STK40: variants seen among roughly 807,000 people sequenced by gnomAD.
STK40 encodes the protein serine/threonine-protein kinase 40.
In STK40, 13 loss-of-function variants were observed where a neutral mutation model predicts 47.9. That is an observed-to-expected ratio of 0.27 (90% CI 0.18 to 0.43). STK40 has a LOEUF of 0.43. Ranked by LOEUF, STK40 falls within the 20% of genes least tolerant of loss-of-function variation. STK40 has a pLI of 1.00. For missense variants in STK40, 460 were observed against 595.1 expected (o/e 0.77, Z 2.36); for synonymous variants, 225 against 243.2 (o/e 0.93, Z 0.69).
intron 7 of STK40, among the ~76,000 whole-genome samples, chr1:36,347,528 A>C (rs150268168): frequency 2.0e-5 from 3 of 152,320 alleles, no homozygotes; most frequent in Middle Eastern, 3.4e-3. Context: ...TGAAAAAAGG[A>C]CTTAAGATAG....
chr1:36,376,036 A>T (rs1646989616), intron 1 of STK40, among the ~76,000 whole-genome samples: 1 of 152,162 alleles, frequency 6.6e-6, no homozygotes, highest in African/African-American at 2.4e-5. Context: ...AAAAAAAAAA[A>T]ATTCACGACT....
At chr1:36,344,077 T>C in intron 8 of STK40, 43 bp downstream of exon 8, 3 of 1,599,798 alleles carry the variant, frequency 1.9e-6, no homozygotes, top group Non-Finnish European at 2.6e-6. Context: ...CTTAAGCCCA[T>C]CAGGCTGGCT....
intron 8 of STK40, 27 bp downstream of exon 8, chr1:36,344,093 C>A: frequency 6.3e-7 from 1 of 1,585,046 alleles, no homozygotes; most frequent in Middle Eastern, 1.7e-4. Flanking sequence ...TGGCTGCCCC[C>A]CCCACCCCCC....
rs528997688 is a variant in STK40 at position 36,385,860 on chromosome 1, A to AGCCGCC, written c.-152_-147dup. The stretch of plus-strand genomic sequence containing the variant: ...CGCCGCCTCCCAGCGCAGCCACCCG[A>AGCCGCC]GCCGCCGCCGCCGCCGCCGCCGCCT... On this transcript the variant is annotated 5_prime_UTR_variant, in exon 1 of 11. Coordinates refer to ENST00000373132, the MANE Select transcript of STK40 (RefSeq NM_001282547.2). 176 of 175,560 alleles carry AGCCGCC rather than the reference A, an allele frequency of 1.0e-3. 1 individual carries two copies. Among genetic ancestry groups the AGCCGCC allele is most frequent in the African/African-American group, 2.1e-3 (84 of 40,952 alleles). 10.9% of individuals were successfully genotyped at this position (175,560 alleles called of 1,614,324 possible).
At chr1:36,376,990 C>T (rs1646997656) in intron 1 of STK40, among the ~76,000 whole-genome samples, 1 of 151,394 alleles carries the variant, frequency 6.6e-6, no homozygotes, top group African/African-American at 2.4e-5. Flanking sequence ...CTAGGCTGGT[C>T]TTGAACTCCT....
At chr1:36,365,013 C>T (rs112266717) in intron 1 of STK40, among the ~76,000 whole-genome samples, 22,893 of 132,598 alleles carry the variant, frequency 0.17, 2,359 homozygotes, top group Middle Eastern at 0.32. Context: ...TTTTTTGAGA[C>T]GGAGTCTCGC....
chr1:36,370,880 CTTTT>C (rs776772949), intron 1 of STK40, among the ~76,000 whole-genome samples: 58 of 141,620 alleles, frequency 4.1e-4, no homozygotes, highest in African/African-American at 1.3e-3. Context: ...CCGTACTACA[CTTTT>C]TTTTTTTTTT....
In STK40 at chr1:36,339,957, G is replaced by C. The variant is rs1646630312; in HGVS notation, c.*1798C>G. The C allele has an allele frequency of 6.6e-6, 1 of 152,390 alleles. No individual in the cohort carries two copies. Among genetic ancestry groups the C allele is most frequent in the Non-Finnish European group, 1.5e-5 (1 of 68,074 alleles). 9.4% of individuals were successfully genotyped at this position (152,390 alleles called of 1,614,324 possible). ...TGGGCTGCTGAGAGGGGGCTCCGCTGCGACGGGCCCTGGCCCAGCTTCAGG... is the reference window on the plus strand; with the variant it reads ...TGGGCTGCTGAGAGGGGGCTCCGCTCCGACGGGCCCTGGCCCAGCTTCAGG... On this transcript the variant is annotated 3_prime_UTR_variant, in exon 11 of 11. Transcript: ENST00000373132.
Position 36,341,424 on chromosome 1 carries a change from G to A in STK40, c.*331C>T. 3.6e-6 allele frequency: 1 copy of A among 280,090 alleles called. No homozygotes were observed. The highest frequency in any genetic ancestry group is 7.0e-6 in the Non-Finnish European group (1 of 143,018). 17.4% of individuals were successfully genotyped at this position (280,090 alleles called of 1,614,324 possible). On this transcript the variant is annotated 3_prime_UTR_variant, in exon 11 of 11. Coordinates refer to ENST00000373132, the MANE Select transcript of STK40 (RefSeq NM_001282547.2). ...GTTGGTGGCCGCTGGGGAAGGCCCT[G>A]GAGTGGGGTGAGCAGGCTCCCTCCT...
intron 6 of STK40, among the ~76,000 whole-genome samples, chr1:36,353,533 C>T (rs1033472316): frequency 2.0e-5 from 3 of 152,234 alleles, no homozygotes; most frequent in Non-Finnish European, 2.9e-5. Flanking sequence ...CTAAGGCATG[C>T]TCTCCTTGCT....
rs1235753533 is a variant in STK40, at chr1:36,340,959, A to G, written c.*796T>C. 6.6e-6 allele frequency: 1 copy of G among 152,530 alleles called. No individual in the cohort carries two copies. The allele number at this position is 152,530 out of a possible 1,614,324, so 9.4% of individuals were successfully genotyped here. On this transcript the variant is annotated 3_prime_UTR_variant, in exon 11 of 11. Coordinates refer to ENST00000373132, the MANE Select transcript of STK40 (RefSeq NM_001282547.2). ...AACGCGCGTGTACAGCACCTCAGAG[A>G]AGCCACTGAGACGGGAGAGAAAGAG...
intron 10 of STK40, chr1:36,342,816 G>C (rs1225247615): frequency 8.1e-6 from 2 of 245,832 alleles, no homozygotes; most frequent in Non-Finnish European, 1.6e-5. Flanking sequence ...AGGTGGGCCA[G>C]GGAGGGAAGG....
chr1:36,384,579 T>G (rs890180155), intron 1 of STK40, among the ~76,000 whole-genome samples: 1 of 152,206 alleles, frequency 6.6e-6, no homozygotes, highest in African/African-American at 2.4e-5. Context: ...TACACACAGC[T>G]GGAAAGTTGC....
At chr1:36,351,601 G>A (rs1646758863) in intron 6 of STK40, among the ~76,000 whole-genome samples, 1 of 152,210 alleles carries the variant, frequency 6.6e-6, no homozygotes. Context: ...TCAGATTCAG[G>A]AAGTACAACC....
intron 6 of STK40, among the ~76,000 whole-genome samples, chr1:36,352,164 G>A (rs911738053): frequency 2.0e-5 from 3 of 152,188 alleles, no homozygotes; most frequent in South Asian, 2.1e-4. Context: ...CTGGGGGACC[G>A]CTGGGCCCTC....
chr1:36,351,856 G>A, intron 6 of STK40, among the ~76,000 whole-genome samples: 1 of 152,206 alleles, frequency 6.6e-6, no homozygotes, highest in Non-Finnish European at 1.5e-5. Context: ...GACAACCCTG[G>A]GATGTTCATT....
chr1:36,346,152 G>A (rs1271428156), intron 7 of STK40, among the ~76,000 whole-genome samples: 5 of 150,334 alleles, frequency 3.3e-5, no homozygotes, highest in Non-Finnish European at 7.4e-5. Context: ...CCGCCACCAC[G>A]CCCGGCTAAT....
At chr1:36,381,133 C>T (rs889213910) in intron 1 of STK40, among the ~76,000 whole-genome samples, 4 of 152,168 alleles carry the variant, frequency 2.6e-5, no homozygotes, top group Non-Finnish European at 5.9e-5. Flanking sequence ...CTGATCCAAG[C>T]CCCTCTCAGC....
chr1:36,360,024 C>T (rs911247953), intron 2 of STK40, among the ~76,000 whole-genome samples: 1 of 152,206 alleles, frequency 6.6e-6, no homozygotes, highest in African/African-American at 2.4e-5. Flanking sequence ...TACCTACGGG[C>T]CCTTCTCATC....
Sources: allele counts gnomAD v4.1 joint callset (sites outside exome capture counted in the v4.1 genomes callset), GRCh38; gene constraint gnomAD v4.1.1; transcripts MANE v1.5; gene names NCBI Gene and HGNC (gene_info 2026-07-23, HGNC 2026-07-21).